The following CSMD3 variants were observed in gnomAD, a reference collection of about 807,000 sequenced individuals.
The protein encoded by CSMD3 is CUB and sushi domain-containing protein 3.
In CSMD3, 177 loss-of-function variants were observed where a neutral mutation model predicts 435.2. The observed-to-expected ratio is 0.41, with a 90% confidence interval of 0.36 to 0.46. The LOEUF is 0.46. CSMD3 is among the 20% of genes least tolerant of loss of function. CSMD3 has a pLI of 0.34. For missense variants in CSMD3, 4,265 were observed against 4,504.6 expected (o/e 0.95, Z 1.52); for synonymous variants, 1,656 against 1,520.5 (o/e 1.09, Z -2.07).
intron 28 of CSMD3, 121 bp from the exon 29 acceptor site, chr8:112,506,950 T>C (rs1822596975): frequency 2.5e-6 from 2 of 805,490 alleles, no homozygotes; most frequent in East Asian, 5.4e-5. Context: ...CTGAATTTTA[T>C]AGTACTTGAT....
chr8:113,308,717 T>G (rs908485430), intron 2 of CSMD3, among the ~76,000 whole-genome samples: 2 of 152,174 alleles, frequency 1.3e-5, no homozygotes, highest in African/African-American at 4.8e-5. Flanking sequence ...TTATACTTCC[T>G]TTGTCTTTTA....
intron 27 of CSMD3, among the ~76,000 whole-genome samples, chr8:112,538,004 G>A (rs1156604608): frequency 6.6e-6 from 1 of 151,842 alleles, no homozygotes; most frequent in African/African-American, 2.4e-5. Context: ...TGATCAAGTG[G>A]GATACATCCC....
intron 67 of CSMD3, 136 bp from the exon 68 acceptor site, chr8:112,234,613 T>C (rs1273057944): frequency 3.0e-6 from 2 of 656,314 alleles, no homozygotes; most frequent in Admixed American, 4.9e-5. Context: ...AAGTCAAGGA[T>C]GGCTTAACCT....
intron 10 of CSMD3, among the ~76,000 whole-genome samples, chr8:112,881,458 T>A (rs1260989191): frequency 6.6e-6 from 1 of 152,098 alleles, no homozygotes; most frequent in Admixed American, 6.6e-5. Flanking sequence ...GTGTTAACAT[T>A]TTCTTACAAT....
chr8:113,231,839 T>A (rs903370257), intron 3 of CSMD3, among the ~76,000 whole-genome samples: 2 of 151,398 alleles, frequency 1.3e-5, no homozygotes, highest in African/African-American at 2.4e-5. Context: ...AAGTGAATGA[T>A]CATTTAGTCA....
At chr8:112,339,349 T>C (rs1296478560) in intron 42 of CSMD3, among the ~76,000 whole-genome samples, 2 of 151,978 alleles carry the variant, frequency 1.3e-5, no homozygotes, top group Non-Finnish European at 2.9e-5. Flanking sequence ...ATCAGACTGA[T>C]TGCGGGCTAC....
At chr8:112,696,213 T>G (rs923891776) in intron 13 of CSMD3, among the ~76,000 whole-genome samples, 9 of 152,204 alleles carry the variant, frequency 5.9e-5, no homozygotes, top group African/African-American at 1.4e-4. Flanking sequence ...TCACAGAATT[T>G]GAAAAAACTA....
At chr8:113,247,462 A>G (rs553122412) in intron 3 of CSMD3, among the ~76,000 whole-genome samples, 1 of 152,290 alleles carries the variant, frequency 6.6e-6, no homozygotes, top group East Asian at 1.9e-4. Context: ...AAAGTAGGGC[A>G]AGTTAATTCA....
chr8:112,354,819 G>A (rs1011706390), intron 38 of CSMD3, among the ~76,000 whole-genome samples: 5 of 152,124 alleles, frequency 3.3e-5, no homozygotes, highest in African/African-American at 1.2e-4. Flanking sequence ...AACTACCAAC[G>A]TCATTTTTCA....
At chr8:112,302,603 C>A (rs116315637) in intron 52 of CSMD3, among the ~76,000 whole-genome samples, 1,890 of 152,016 alleles carry the variant, frequency 0.012, 51 homozygotes, top group African/African-American at 0.042. Context: ...AACTGTCATT[C>A]TAGCATAAAA....
chr8:113,337,521 T>A (rs1332061261), intron 1 of CSMD3, among the ~76,000 whole-genome samples: 2 of 152,134 alleles, frequency 1.3e-5, no homozygotes, highest in Non-Finnish European at 2.9e-5. Context: ...ATAGCTAACA[T>A]TATTAAAATC....
At chr8:112,489,206 C>T (rs1190383668) in intron 31 of CSMD3, among the ~76,000 whole-genome samples, 1 of 151,990 alleles carries the variant, frequency 6.6e-6, no homozygotes, top group Non-Finnish European at 1.5e-5. Flanking sequence ...TCACTTGAGG[C>T]CAGTAGTTCG....
intron 4 of CSMD3, among the ~76,000 whole-genome samples, chr8:113,108,930 C>T (rs1387897902): frequency 6.6e-6 from 1 of 152,118 alleles, no homozygotes; most frequent in Non-Finnish European, 1.5e-5. Context: ...TGTAAATTGA[C>T]AAGCTGATTT....
rs530741871 is a variant in CSMD3 at position 112,361,308 on chromosome 8, G to A, written c.6137-8774C>T. On this transcript the variant is annotated intron_variant, in intron 38 of 70. Transcript: ENST00000297405. Reference sequence around the variant, plus strand: ...AAAAGAAAAATCAGAAATGAATCCAGGGACCAATCCATACAAAAAATTGCA... The same window carrying A: ...AAAAGAAAAATCAGAAATGAATCCAAGGACCAATCCATACAAAAAATTGCA... 4.1e-3 allele frequency among the ~76,000 whole-genome samples: 616 copies of A among 151,642 alleles called. 2 individuals are homozygous for A. The highest frequency in any genetic ancestry group is 0.024 in the Middle Eastern group (7 of 294).
intron 9 of CSMD3, among the ~76,000 whole-genome samples, chr8:112,932,047 A>G (rs958156838): frequency 6.6e-6 from 1 of 152,156 alleles, no homozygotes; most frequent in South Asian, 2.1e-4. Context: ...AGAGTTCTCA[A>G]AAAACTAAAA....
At chr8:113,375,069 C>T (rs974590732) in intron 1 of CSMD3, among the ~76,000 whole-genome samples, 5 of 152,054 alleles carry the variant, frequency 3.3e-5, no homozygotes, top group African/African-American at 1.2e-4. Flanking sequence ...ATGTTATATA[C>T]AGAAGTTTAC....
rs750982490 is a variant in CSMD3 at position 112,228,716 on chromosome 8, A to G, written c.10964+40T>C. 5 of 1,579,094 alleles carry G rather than the reference A, an allele frequency of 3.2e-6. No homozygotes were observed. In the South Asian group the frequency reaches 5.5e-5, roughly 17 times the overall value. ...GCAGTAGAAATAACATGAAAAACAG[A>G]TTTGGGAAACATTTTGTAGTTAAAA... On this transcript the variant is annotated intron_variant, in intron 70 of 70. Transcript: ENST00000297405.
At chr8:113,253,028 C>A (rs1011949237) in intron 3 of CSMD3, among the ~76,000 whole-genome samples, 2 of 152,084 alleles carry the variant, frequency 1.3e-5, no homozygotes, top group Non-Finnish European at 2.9e-5. Context: ...AAACTCAGTT[C>A]TCAGAACCAG....
chr8:112,270,987 T>C (rs2130475483), intron 59 of CSMD3, among the ~76,000 whole-genome samples: 1 of 152,322 alleles, frequency 6.6e-6, no homozygotes, highest in African/African-American at 2.4e-5. Context: ...TCTTTCATTC[T>C]CAAATCACCC....
Sources: allele counts gnomAD v4.1 joint callset (sites outside exome capture counted in the v4.1 genomes callset), GRCh38; gene constraint gnomAD v4.1.1; transcripts MANE v1.5; gene names NCBI Gene and HGNC (gene_info 2026-07-23, HGNC 2026-07-21).